The following KDM5B variants were observed in gnomAD, a reference collection of about 807,000 sequenced individuals.
KDM5B encodes lysine-specific demethylase 5B.
In KDM5B, 144 loss-of-function variants were observed where a neutral mutation model predicts 193.4. The observed-to-expected ratio is 0.74, with a 90% CI of 0.65 to 0.86. The LOEUF (loss-of-function observed/expected upper bound fraction) is 0.86, where lower values mean the gene tolerates loss of function less well. Ranked by LOEUF, KDM5B falls within the 40% of genes least tolerant of loss-of-function variation. The pLI, the probability that KDM5B is intolerant of heterozygous loss-of-function variation, is 0.00. For synonymous variants in KDM5B, 668 were observed against 682.6 expected, an observed-to-expected ratio of 0.98 and a Z score of 0.33; for missense variants, 1,833 against 1,886.9, an observed-to-expected ratio of 0.97 and a Z score of 0.53.
chr1:202,766,764 A>G (rs1572743327), intron 5 of KDM5B, among the ~76,000 whole-genome samples, 162 bp downstream of exon 5: 1 of 152,206 alleles, frequency 6.6e-6, no homozygotes, highest in African/African-American at 2.4e-5. Context: ...TGATGGTACA[A>G]TTCACCCAAG....
rs1655329676 is a variant in KDM5B at position 202,741,364 on chromosome 1, C to T, written c.2945+3G>A. 4.6e-6 allele frequency: 7 copies of T among 1,520,070 alleles called. 1 individual carries two copies. In the African/African-American group the frequency reaches 8.4e-5, roughly 18 times the overall value. 94.2% of individuals were successfully genotyped at this position (1,520,070 alleles called of 1,614,324 possible). A position where few individuals can be genotyped will look rare whatever the true frequency, so the allele number is the denominator to read the frequency against. ...CCAAAGAAAGAGAAGTCTGCTTTTT[C>T]ACCTGGCCTTGAGGAGACTCTTGGC... On this transcript the variant is annotated splice_donor_region_variant and intron_variant, in intron 19 of 26. Coordinates refer to ENST00000367265, the MANE Select transcript of KDM5B (RefSeq NM_006618.5).
chr1:202,791,514 AT>A (rs1178243557), intron 1 of KDM5B, among the ~76,000 whole-genome samples: 1 of 152,012 alleles, frequency 6.6e-6, no homozygotes, highest in African/African-American at 2.4e-5. Context: ...GGAGGATGTC[AT>A]GACCCTCATT....
Position 202,808,196 on chromosome 1 carries a change from G to T in KDM5B, c.110C>A (p.Pro37His). The change falls in exon 1 of 27, where the codon CCC becomes CAC. Residue 37 changes from proline (P) to histidine (H), a missense_variant. Pro to His is a moderately conservative substitution (Grantham distance 77). This residue lies in a region of KDM5B where 355 missense variants were observed against 374.9 expected (regional missense o/e 0.95). Transcript: ENST00000367265. ...GGGGTCCGCGAACTCTTCCCAGCTG[G>T]GTTCGAAGACCGGGCACTCGGGTGG... ...LPPPECPVFE[P>H]SWEEFADPFA... The T allele has an allele frequency of 6.2e-7, 1 of 1,613,118 alleles. No individual in the cohort carries two copies. The highest frequency in any genetic ancestry group is 2.2e-5 in the East Asian group (1 of 44,832).
intron 9 of KDM5B, among the ~76,000 whole-genome samples, 177 bp downstream of exon 9, chr1:202,758,214 G>C (rs1656096676): frequency 1.3e-5 from 2 of 152,156 alleles, no homozygotes; most frequent in South Asian, 2.1e-4. Context: ...TAAAAAATTA[G>C]AATGCTTTTT....
intron 9 of KDM5B, 86 bp downstream of exon 9, chr1:202,758,305 A>G: frequency 1.8e-6 from 2 of 1,094,880 alleles, no homozygotes; most frequent in Non-Finnish European, 2.6e-6. Flanking sequence ...TACTAGAGTG[A>G]GGCCTCAACT....
intron 3 of KDM5B, among the ~76,000 whole-genome samples, chr1:202,773,989 G>A (rs12145084): frequency 0.18 from 27,703 of 151,828 alleles, 2,943 homozygotes; most frequent in Middle Eastern, 0.28. Flanking sequence ...CACCCACCTC[G>A]ACCTCCCAAA....
intron 3 of KDM5B, among the ~76,000 whole-genome samples, 154 bp from the exon 4 acceptor site, chr1:202,773,442 C>T (rs1315539819): frequency 6.6e-6 from 1 of 152,092 alleles, no homozygotes; most frequent in Non-Finnish European, 1.5e-5. Flanking sequence ...CATATATATA[C>T]ACACACACTA....
At chr1:202,740,582 G>A (rs1025243631) in intron 20 of KDM5B, 92 bp downstream of exon 20, 4 of 1,282,808 alleles carry the variant, frequency 3.1e-6, no homozygotes, top group South Asian at 1.6e-5. Context: ...CCGGGTCGGG[G>A]GCTGACCCCC....
At chr1:202,745,009 T>C (rs1655496234) in intron 16 of KDM5B, among the ~76,000 whole-genome samples, 1 of 152,150 alleles carries the variant, frequency 6.6e-6, no homozygotes, top group South Asian at 2.1e-4. Context: ...GGAACATGGA[T>C]GGAACTGGAG....
rs536493047 is a variant in KDM5B, at chr1:202,795,540, T to C, written c.204+12562A>G. Among the ~76,000 whole-genome samples the C allele has an allele frequency of 6.3e-4, 95 of 151,852 alleles. 1 individual carries two copies. Among genetic ancestry groups the C allele is most frequent in the Middle Eastern group, 3.4e-3 (1 of 294 alleles). ...GGTGGCACGTCGCTGTAATCCCACC[T>C]ACTCAGGAGGCTGAGGCAGGAGAAT... On this transcript the variant is annotated intron_variant, in intron 1 of 26. Coordinates refer to ENST00000367265, the MANE Select transcript of KDM5B (RefSeq NM_006618.5).
At chr1:202,781,480 G>GT (rs1428744117) in intron 1 of KDM5B, among the ~76,000 whole-genome samples, 2 of 152,260 alleles carry the variant, frequency 1.3e-5, no homozygotes, top group Admixed American at 1.3e-4. Flanking sequence ...TTAAATGTCA[G>GT]TTAAAAAATA....
chr1:202,801,177 G>GT (rs779949601), intron 1 of KDM5B, among the ~76,000 whole-genome samples: 3 of 151,902 alleles, frequency 2.0e-5, no homozygotes, highest in Non-Finnish European at 4.4e-5. Flanking sequence ...CACATTTTTT[G>GT]TAATAAAATT....
chr1:202,802,832 A>G (rs2102350599), intron 1 of KDM5B, among the ~76,000 whole-genome samples: 1 of 152,352 alleles, frequency 6.6e-6, no homozygotes, highest in South Asian at 2.1e-4. Context: ...AACAGGTCAT[A>G]AAGAAAATTA....
intron 5 of KDM5B, chr1:202,766,560 C>G: frequency 2.4e-6 from 1 of 421,626 alleles, no homozygotes; most frequent in Non-Finnish European, 4.5e-6. Flanking sequence ...TCTAACCACT[C>G]TGTTTAAAAA....
intron 1 of KDM5B, 56 bp from the exon 2 acceptor site, chr1:202,777,150 A>G: frequency 7.2e-7 from 1 of 1,380,530 alleles, no homozygotes; most frequent in Non-Finnish European, 1.0e-6. Context: ...GACATTCAAA[A>G]ATTTGTTTTA....
At chr1:202,801,277 A>AGC (rs1491300072) in intron 1 of KDM5B, among the ~76,000 whole-genome samples, 1 of 152,142 alleles carries the variant, frequency 6.6e-6, no homozygotes, top group African/African-American at 2.4e-5. Context: ...TAAAAAAAAA[A>AGC]AGCAGCAGCA....
intron 22 of KDM5B, among the ~76,000 whole-genome samples, chr1:202,735,093 T>C (rs930863898): frequency 3.9e-5 from 6 of 152,238 alleles, no homozygotes; most frequent in Non-Finnish European, 7.3e-5. Flanking sequence ...TTCTTAACTA[T>C]AAACTAATAA....
intron 16 of KDM5B, among the ~76,000 whole-genome samples, chr1:202,745,360 GAA>G (rs757952299): frequency 6.6e-6 from 1 of 152,024 alleles, no homozygotes; most frequent in African/African-American, 2.4e-5. Context: ...ATTTTCATAA[GAA>G]AAAAGAGAGA....
chr1:202,800,467 A>G lies in KDM5B; in HGVS notation c.204+7635T>C, dbSNP rs575381365. ...GCCATCCTCCCACCTTGGCCTCCCGAGCAGCTGGGACTACAGGTGCACGTC... is the reference window on the plus strand; with the variant it reads ...GCCATCCTCCCACCTTGGCCTCCCGGGCAGCTGGGACTACAGGTGCACGTC... On this transcript the variant is annotated intron_variant, in intron 1 of 26. Transcript: ENST00000367265. Among the ~76,000 whole-genome samples the G allele has an allele frequency of 6.6e-5, 10 of 152,196 alleles. No homozygotes were observed. In the South Asian group the frequency reaches 2.1e-3, roughly 32 times the overall value.
Sources: allele counts gnomAD v4.1 joint callset (sites outside exome capture counted in the v4.1 genomes callset), GRCh38; gene constraint gnomAD v4.1.1; regional missense constraint gnomAD v4.1.1; transcripts MANE v1.5; gene names NCBI Gene and HGNC (gene_info 2026-07-23, HGNC 2026-07-21).